TOMM34: variants seen among roughly 807,000 people sequenced by gnomAD.
TOMM34 encodes the protein mitochondrial import receptor subunit TOM34.
A neutral mutation model predicts 37.4 loss-of-function variants in TOMM34; 24 were observed. That is an observed-to-expected ratio of 0.64 (90% CI 0.46 to 0.90). The LOEUF (loss-of-function observed/expected upper bound fraction) is 0.90, where lower values mean the gene tolerates loss of function less well. Among genes scored for constraint, TOMM34 ranks in the 40% least tolerant of loss-of-function variants. The pLI, the probability that TOMM34 is intolerant of heterozygous loss-of-function variation, is 0.00. For synonymous variants in TOMM34, 154 were observed against 148.9 expected (o/e 1.03, Z -0.25); for missense variants, 304 against 375.6 (o/e 0.81, Z 1.58).
At chr20:44,951,654 C>T (rs954738526) in intron 4 of TOMM34, among the ~76,000 whole-genome samples, 179 bp downstream of exon 4, 1 of 152,178 alleles carries the variant, frequency 6.6e-6, no homozygotes, top group East Asian at 1.9e-4. Context: ...TTTATCATCA[C>T]CCTCACTATA....
chr20:44,946,544 T>G (rs1460338493), intron 5 of TOMM34, among the ~76,000 whole-genome samples: 1 of 152,222 alleles, frequency 6.6e-6, no homozygotes, highest in East Asian at 1.9e-4. Context: ...TGAGCCTGAT[T>G]AGGTAACACA....
At position 44,951,277 on chromosome 20, in the gene TOMM34, G is replaced by T. The variant is rs192442948; in HGVS notation, c.550+556C>A. The stretch of plus-strand genomic sequence containing the variant: ...GGGTCATGAGGCATGGGGTATGGAT[G>T]TGAGGCCGGGAACTGCTATAGCTAT... On this transcript the variant is annotated intron_variant, in intron 4 of 6. Transcript: ENST00000372813. Among the ~76,000 whole-genome samples, 10 of 152,304 alleles carry T rather than the reference G, an allele frequency of 6.6e-5. No homozygotes were observed. In the East Asian group the frequency reaches 1.4e-3, roughly 21 times the overall value.
Position 44,943,082 on chromosome 20 carries a change from A to G in TOMM34, c.*27T>C, listed in dbSNP as rs766672175. On this transcript the variant is annotated 3_prime_UTR_variant, in exon 7 of 7. Coordinates refer to ENST00000372813, the MANE Select transcript of TOMM34 (RefSeq NM_006809.5). ...ATGGCTTCTCTGGGTAAGGTCAGGC[A>G]GGGGTTCCAGTTGCCCTGTTGGGTT... 2.5e-6 allele frequency: 4 copies of G among 1,611,624 alleles called. No homozygotes were observed. Among genetic ancestry groups the G allele is most frequent in the East Asian group, 2.2e-5 (1 of 44,878 alleles).
intron 4 of TOMM34, among the ~76,000 whole-genome samples, chr20:44,950,352 A>C (rs890729816): frequency 3.9e-5 from 6 of 152,136 alleles, no homozygotes; most frequent in African/African-American, 1.4e-4. Context: ...TCCCTCATGC[A>C]CTTAAGTCAG....
chr20:44,960,229 C>G lies in TOMM34; in HGVS notation c.105G>C (p.Ala35=), dbSNP rs1209834454. The G allele has an allele frequency of 3.8e-6, 6 of 1,561,364 alleles. No individual in the cohort carries two copies. The highest frequency in any genetic ancestry group is 5.2e-6 in the Non-Finnish European group (6 of 1,154,024). The part of the protein sequence containing the change: ...YAEASALYGR[A]LRVLQAQGSS... ...TACCTTGCGCCTGCAGCACCCGCAG[C>G]GCGCGGCCGTAGAGCGCGGAGGCCT... The change falls in exon 1 of 7, where the codon GCG becomes GCC. Residue 35 remains alanine, a synonymous_variant. Transcript: ENST00000372813.
intron 1 of TOMM34, 46 bp downstream of exon 1, chr20:44,960,161 A>G (rs2234200): frequency 0.27 from 412,175 of 1,527,380 alleles, 57,830 homozygotes; most frequent in African/African-American, 0.45. Flanking sequence ...TGGTTGCGGG[A>G]GTTGGAGGAG....
intron 5 of TOMM34, 89 bp from the exon 6 acceptor site, chr20:44,943,668 T>C: frequency 6.3e-7 from 1 of 1,575,586 alleles, no homozygotes; most frequent in Non-Finnish European, 8.7e-7. Context: ...ATCTCCAATT[T>C]GCTGAACACC....
At chr20:44,959,355 C>T (rs953554982) in intron 1 of TOMM34, among the ~76,000 whole-genome samples, 1 of 152,234 alleles carries the variant, frequency 6.6e-6, no homozygotes, top group African/African-American at 2.4e-5. Flanking sequence ...CAAAGGTCTG[C>T]GGTATGCTGA....
rs146104731 is a variant in TOMM34, at chr20:44,951,914, T to C, written c.469A>G (p.Arg157Gly). 2.5e-6 allele frequency: 4 copies of C among 1,614,120 alleles called. No homozygotes were observed. The highest frequency in any genetic ancestry group is 1.7e-5 in the Admixed American group (1 of 60,016). ...TTCTCCGAAGGCAAGGAATTCCACC[T>C]CTTCTGAGCTGAAACAGGCACCAAG... ...IPLVPVSAQK[R>G]WNSLPSENHK... The change falls in exon 4 of 7, where the codon AGG (arginine) becomes GGG (glycine). Residue 157 changes from arginine (R) to glycine (G), a missense_variant. Arg to Gly is a moderately radical substitution (Grantham distance 125). Coordinates refer to ENST00000372813, the MANE Select transcript of TOMM34 (RefSeq NM_006809.5).
chr20:44,960,044 G>A, intron 1 of TOMM34, 163 bp downstream of exon 1: 1 of 984,154 alleles, frequency 1.0e-6, no homozygotes, highest in African/African-American at 1.7e-5. Flanking sequence ...ACAAGCAGGT[G>A]GAAAGAAAGG....
rs1250770028 is a variant in TOMM34, at chr20:44,960,306, C to A, written c.28G>T (p.Glu10Ter). Residue 10 changes from glutamate to a stop codon, truncating the protein, a stop_gained, in exon 1 of 7, where the codon GAG (glutamate) becomes TAG (stop). Coordinates refer to ENST00000372813, the MANE Select transcript of TOMM34 (RefSeq NM_006809.5). LOFTEE classifies it high-confidence loss of function. The part of the protein sequence containing the change: MAPKFPDSV[E>*]ELRAAGNESF... Reference sequence around the variant, plus strand: ...TCATTGCCGGCGGCGCGGAGCTCCTCCACAGAGTCTGGGAATTTGGGGGCC... The same window carrying A: ...TCATTGCCGGCGGCGCGGAGCTCCTACACAGAGTCTGGGAATTTGGGGGCC... The A allele has an allele frequency of 1.9e-6, 3 of 1,584,746 alleles. No individual in the cohort carries two copies. Among genetic ancestry groups the A allele is most frequent in the Non-Finnish European group, 2.6e-6 (3 of 1,166,500 alleles).
chr20:44,952,584 T>G (rs968800753), intron 3 of TOMM34: 1 of 717,350 alleles, frequency 1.4e-6, no homozygotes, highest in Non-Finnish European at 2.6e-6. Context: ...AACAACCATT[T>G]TCATTTTGGA....
At chr20:44,948,957 C>T in intron 4 of TOMM34, 80 bp from the exon 5 acceptor site, 2 of 1,514,462 alleles carry the variant, frequency 1.3e-6, no homozygotes, top group Non-Finnish European at 1.8e-6. Context: ...AGCATCGTCC[C>T]TTCCAAACTG....
In TOMM34 at chr20:44,943,440, G is replaced by T. The variant is rs895560069; in HGVS notation, c.825+13C>A. On this transcript the variant is annotated intron_variant, in intron 6 of 6. Transcript: ENST00000372813. ...AGCTATGTTGGGACCTTTTGGCCAG[G>T]ATTTTTTTTTACCTTGAGTGCTTTG... The T allele has an allele frequency of 1.9e-6, 3 of 1,613,980 alleles. No homozygotes were observed. The highest frequency in any genetic ancestry group is 2.7e-5 in the African/African-American group (2 of 74,884).
intron 5 of TOMM34, among the ~76,000 whole-genome samples, chr20:44,945,485 T>G (rs1228367233): frequency 6.6e-6 from 1 of 152,216 alleles, no homozygotes; most frequent in Non-Finnish European, 1.5e-5. Context: ...CCTTGGTCTC[T>G]GGAAACACTC....
rs1347296555 is a variant in TOMM34 at position 44,942,340 on chromosome 20, AC to A, written c.*768del. On this transcript the variant is annotated 3_prime_UTR_variant, in exon 7 of 7. Coordinates refer to ENST00000372813, the MANE Select transcript of TOMM34 (RefSeq NM_006809.5). ...AAGCCCGGAGAAGGCCACTGTTGGA[AC>A]AAAAAACCAAGTCCCTGCCCAGAAA... is the stretch of plus-strand genomic sequence containing the variant. 6.6e-6 allele frequency: 1 copy of A among 152,282 alleles called. No homozygotes were observed. Among genetic ancestry groups the A allele is most frequent in the Non-Finnish European group, 1.5e-5 (1 of 68,062 alleles). The allele number at this position is 152,282 out of a possible 1,614,324, so 9.4% of individuals were successfully genotyped here.
At chr20:44,958,914 CA>C (rs2067100790) in intron 1 of TOMM34, 1 of 109,748 alleles carries the variant, frequency 9.1e-6, no homozygotes. Context: ...CTTGAAACTG[CA>C]AAAAGTGCAG....
In TOMM34 at chr20:44,956,169, C is replaced by T. The variant is rs567991471; in HGVS notation, c.227+217G>A. ...CTAACTGCCCATCCCACTCCTTTTT[C>T]GGCAGCAGAGCCAAGACTCCAAAGA... On this transcript the variant is annotated intron_variant, in intron 2 of 6. Coordinates refer to ENST00000372813, the MANE Select transcript of TOMM34 (RefSeq NM_006809.5). Among the ~76,000 whole-genome samples the T allele has an allele frequency of 2.6e-5, 4 of 152,254 alleles. No individual in the cohort carries two copies. In the East Asian group the frequency reaches 5.8e-4, roughly 22 times the overall value.
chr20:44,946,926 C>A (rs890056256), intron 5 of TOMM34, among the ~76,000 whole-genome samples: 3 of 152,170 alleles, frequency 2.0e-5, no homozygotes, highest in Non-Finnish European at 4.4e-5. Flanking sequence ...TGGGAAAATA[C>A]TAGGAATGCT....
Sources: allele counts gnomAD v4.1 joint callset (sites outside exome capture counted in the v4.1 genomes callset), GRCh38; gene constraint gnomAD v4.1.1; transcripts MANE v1.5; gene names NCBI Gene and HGNC (gene_info 2026-07-23, HGNC 2026-07-21).